Variants in ZNF407 observed in about 807,000 individuals in gnomAD.
ZNF407 encodes zinc finger protein 407.
A neutral mutation model predicts 131.2 loss-of-function variants in ZNF407; 17 were observed. The ratio of observed to expected loss-of-function variants is 0.13; its 90% CI spans 0.09 to 0.19. The LOEUF is 0.19. ZNF407 is among the 10% of genes least tolerant of loss of function. ZNF407 has a pLI of 1.00. For missense variants in ZNF407, 2,681 were observed against 2,830.6 expected, an observed-to-expected ratio of 0.95 and a Z score of 1.20; for synonymous variants, 1,156 against 1,062.0, an observed-to-expected ratio of 1.09 and a Z score of -1.72.
intron 8 of ZNF407, among the ~76,000 whole-genome samples, chr18:74,923,625 T>C (rs955325115): frequency 2.6e-5 from 4 of 152,222 alleles, no homozygotes; most frequent in East Asian, 1.9e-4. Context: ...TTTCCTACTA[T>C]AATTGTGGAT....
At chr18:74,838,740 C>A (rs1274574274) in intron 4 of ZNF407, among the ~76,000 whole-genome samples, 1 of 152,100 alleles carries the variant, frequency 6.6e-6, no homozygotes. Flanking sequence ...TGTTGGAATT[C>A]CTTACTCAGT....
At chr18:74,652,195 GA>G (rs1985259061) in intron 3 of ZNF407, among the ~76,000 whole-genome samples, 1 of 151,980 alleles carries the variant, frequency 6.6e-6, no homozygotes, top group African/African-American at 2.4e-5. Flanking sequence ...AATTACAGCA[GA>G]AAAATATCTA....
At chr18:74,875,764 G>A (rs1336510917) in intron 4 of ZNF407, among the ~76,000 whole-genome samples, 4 of 152,032 alleles carry the variant, frequency 2.6e-5, no homozygotes, top group Admixed American at 6.5e-5. Flanking sequence ...CCATGTTAAC[G>A]GGTGTAAATA....
intron 8 of ZNF407, among the ~76,000 whole-genome samples, chr18:75,050,341 A>G (rs1973485746): frequency 6.6e-6 from 1 of 152,228 alleles, no homozygotes; most frequent in Non-Finnish European, 1.5e-5. Context: ...AACAAGATTT[A>G]ATAAATTTAA....
intron 3 of ZNF407, among the ~76,000 whole-genome samples, chr18:74,728,292 A>G (rs1968208122): frequency 6.6e-6 from 1 of 152,228 alleles, no homozygotes; most frequent in Non-Finnish European, 1.5e-5. Flanking sequence ...TGAATAATTC[A>G]GAGACTGTTT....
intron 3 of ZNF407, among the ~76,000 whole-genome samples, chr18:74,761,717 T>A (rs917433226): frequency 6.6e-6 from 1 of 152,192 alleles, no homozygotes; most frequent in Non-Finnish European, 1.5e-5. Flanking sequence ...TGCTAGAAAC[T>A]GCTGGGTTCT....
chr18:74,946,767 TATA>T (rs1166304938), intron 8 of ZNF407, among the ~76,000 whole-genome samples: 1 of 152,186 alleles, frequency 6.6e-6, no homozygotes, highest in African/African-American at 2.4e-5. Context: ...TTAAAGTAAA[TATA>T]ATGACAACAT....
chr18:74,996,081 T>C (rs1250418576), intron 8 of ZNF407, among the ~76,000 whole-genome samples: 1 of 152,208 alleles, frequency 6.6e-6, no homozygotes, highest in East Asian at 1.9e-4. Context: ...ACTAAACAAA[T>C]AGTGTTCAGT....
intron 8 of ZNF407, among the ~76,000 whole-genome samples, chr18:74,967,110 A>G (rs1198334374): frequency 6.6e-6 from 1 of 152,126 alleles, no homozygotes; most frequent in Admixed American, 6.5e-5. Flanking sequence ...AATATTTAAA[A>G]AAGTATCCAA....
At chr18:74,967,296 T>C (rs1483218428) in intron 8 of ZNF407, among the ~76,000 whole-genome samples, 1 of 152,176 alleles carries the variant, frequency 6.6e-6, no homozygotes, top group Non-Finnish European at 1.5e-5. Context: ...AAAGTATAAA[T>C]CTTTCATAAA....
intron 8 of ZNF407, among the ~76,000 whole-genome samples, chr18:75,033,123 C>G (rs1973264697): frequency 8.2e-6 from 1 of 122,266 alleles, no homozygotes; most frequent in Non-Finnish European, 1.6e-5. Context: ...ACTAAGAGTG[C>G]TCAGAATAGG....
chr18:74,881,951 AAG>A (rs1971244821), intron 6 of ZNF407, among the ~76,000 whole-genome samples: 1 of 152,238 alleles, frequency 6.6e-6, no homozygotes, highest in East Asian at 1.9e-4. Flanking sequence ...GGCGACAGAC[AAG>A]AGAAGAGAGC....
intron 3 of ZNF407, among the ~76,000 whole-genome samples, chr18:74,769,812 T>G (rs1218122134): frequency 6.6e-6 from 1 of 152,200 alleles, no homozygotes; most frequent in Non-Finnish European, 1.5e-5. Flanking sequence ...AATATACACT[T>G]TCATCACTGA....
intron 8 of ZNF407, among the ~76,000 whole-genome samples, chr18:74,965,750 T>C (rs1972402076): frequency 6.6e-6 from 1 of 152,204 alleles, no homozygotes; most frequent in African/African-American, 2.4e-5. Context: ...CTGTTCTCTG[T>C]AGTGGTTATA....
chr18:74,995,556 G>A (rs1336684830), intron 8 of ZNF407, among the ~76,000 whole-genome samples: 3 of 152,152 alleles, frequency 2.0e-5, no homozygotes, highest in Non-Finnish European at 2.9e-5. Flanking sequence ...TTGTAGCTCT[G>A]GGTCAGCTCT....
In ZNF407 at chr18:74,632,374, G is replaced by A. The variant is rs748321892; in HGVS notation, c.1355G>A (p.Gly452Asp). ...TTTAATCTTTTAGGAATTAAAAGAG[G>A]TACAAGTGAAACTCAGAGGATGTAT... ...KRFNLLGIKR[G>D]TSETQRMYMK... Residue 452 changes from glycine (G) to aspartate (D), a missense_variant, in exon 2 of 9, where the codon GGT becomes GAT. By Grantham distance (94) the Gly-to-Asp change is moderately conservative. Transcript: ENST00000299687. 3.1e-6 allele frequency: 5 copies of A among 1,613,996 alleles called. No individual in the cohort carries two copies. The highest frequency in any genetic ancestry group is 4.2e-6 in the Non-Finnish European group (5 of 1,179,890).
intron 7 of ZNF407, among the ~76,000 whole-genome samples, chr18:74,895,149 T>C (rs958449587): frequency 1.3e-5 from 2 of 152,124 alleles, no homozygotes; most frequent in African/African-American, 4.8e-5. Flanking sequence ...CCCCTACTTA[T>C]GGCCGATATA....
intron 4 of ZNF407, among the ~76,000 whole-genome samples, chr18:74,789,889 A>G (rs185086808): frequency 9.1e-4 from 122 of 134,730 alleles, no homozygotes; most frequent in African/African-American, 3.4e-3. Flanking sequence ...CTTTTGTTCT[A>G]CCTATTCTCC....
At chr18:74,739,826 G>A (rs975961344) in intron 3 of ZNF407, among the ~76,000 whole-genome samples, 8 of 152,066 alleles carry the variant, frequency 5.3e-5, no homozygotes, top group East Asian at 3.8e-4. Flanking sequence ...TTCTGAGCAC[G>A]GAATTAGGGG....
Sources: allele counts gnomAD v4.1 joint callset (sites outside exome capture counted in the v4.1 genomes callset), GRCh38; gene constraint gnomAD v4.1.1; transcripts MANE v1.5; gene names NCBI Gene and HGNC (gene_info 2026-07-23, HGNC 2026-07-21).